The following CSDE1 variants were observed in gnomAD, a reference collection of about 807,000 sequenced individuals.
CSDE1 encodes the protein cold shock domain containing E1, also known as cold shock domain-containing protein E1.
A neutral mutation model predicts 89.3 loss-of-function variants in CSDE1; 17 were observed. The ratio of observed to expected loss-of-function variants is 0.19; its 90% CI spans 0.13 to 0.29. The LOEUF (loss-of-function observed/expected upper bound fraction) is 0.29. Among genes scored for constraint, CSDE1 ranks in the 10% least tolerant of loss-of-function variants. The pLI, the probability that CSDE1 is intolerant of heterozygous loss-of-function variation, is 1.00. For missense variants in CSDE1, 672 were observed against 984.2 expected (o/e 0.68, Z 4.24); for synonymous variants, 322 against 332.8 (o/e 0.97, Z 0.35).
intron 1 of CSDE1, among the ~76,000 whole-genome samples, chr1:114,753,472 G>A (rs558804290): frequency 2.0e-5 from 3 of 152,262 alleles, no homozygotes; most frequent in African/African-American, 4.8e-5. Context: ...GAACTTAAAG[G>A]TATTGGTCAG....
chr1:114,742,707 C>G (rs1660796713), intron 2 of CSDE1, among the ~76,000 whole-genome samples: 1 of 152,204 alleles, frequency 6.6e-6, no homozygotes, highest in African/African-American at 2.4e-5. Context: ...AGTACTAGTT[C>G]TTCAACCTCC....
intron 16 of CSDE1, among the ~76,000 whole-genome samples, chr1:114,721,252 G>A (rs555100729): frequency 6.6e-6 from 1 of 152,252 alleles, no homozygotes; most frequent in Admixed American, 6.5e-5. Flanking sequence ...TTTTCCTAAA[G>A]GGCCGGAGAG....
chr1:114,746,576 T>G (rs1661022187), intron 2 of CSDE1: 1 of 152,160 alleles, frequency 6.6e-6, no homozygotes, highest in Admixed American at 6.6e-5. Context: ...GTTGAGATGG[T>G]TAAATGAGTT....
Position 114,734,086 on chromosome 1 carries a change from A to G in CSDE1, c.614T>C (p.Val205Ala). The G allele has an allele frequency of 6.2e-7, 1 of 1,612,582 alleles. No individual in the cohort carries two copies. Among genetic ancestry groups the G allele is most frequent in the Non-Finnish European group, 8.5e-7 (1 of 1,179,884 alleles). ...EAFGFIERGDVVKEIFFHYSE... is the reference protein window; with the variant it reads ...EAFGFIERGDAVKEIFFHYSE... Reference sequence around the variant, plus strand: ...ATAGTGAAAGAATATCTCTTTTACAACATCACCTCTTTCAATAAAGCCAAA... The same window carrying G: ...ATAGTGAAAGAATATCTCTTTTACAGCATCACCTCTTTCAATAAAGCCAAA... The change falls in exon 8 of 20, where the codon GTT (valine) becomes GCT (alanine). Residue 205 changes from valine to alanine, a missense_variant. Physicochemically the swap from Val to Ala is moderately conservative, Grantham distance 64. This residue lies in a region of CSDE1 where 4 missense variants were observed against 28.2 expected (regional missense o/e 0.14). Transcript: ENST00000358528.
At chr1:114,729,984 G>A (rs1660014525) in intron 12 of CSDE1, among the ~76,000 whole-genome samples, 1 of 152,172 alleles carries the variant, frequency 6.6e-6, no homozygotes, top group African/African-American at 2.4e-5. Context: ...GTCACAATGG[G>A]AGGCAGGGAA....
At chr1:114,751,114 T>A (rs1661284594) in intron 1 of CSDE1, among the ~76,000 whole-genome samples, 1 of 152,222 alleles carries the variant, frequency 6.6e-6, no homozygotes, top group Non-Finnish European at 1.5e-5. Context: ...AAAGTGGTAT[T>A]AAGTCTTGAA....
intron 2 of CSDE1, among the ~76,000 whole-genome samples, chr1:114,749,377 C>T (rs1049360841): frequency 2.0e-5 from 3 of 152,090 alleles, no homozygotes; most frequent in South Asian, 2.1e-4. Context: ...CACTGTATAC[C>T]GTTCACAAAT....
At chr1:114,740,624 C>T (rs1219126863) in intron 2 of CSDE1, among the ~76,000 whole-genome samples, 1 of 152,196 alleles carries the variant, frequency 6.6e-6, no homozygotes. Context: ...GTAACTATCA[C>T]TTCGTTCCCA....
Position 114,727,100 on chromosome 1 carries a change from T to A in CSDE1, c.1357-10A>T, listed in dbSNP as rs773535336. On this transcript the variant is annotated splice_polypyrimidine_tract_variant and intron_variant, in intron 12 of 19. Coordinates refer to ENST00000358528, the MANE Select transcript of CSDE1 (RefSeq NM_001007553.3). ...TGCCATCCTCAGCCTCCTAAAGAGATACAGTCAAAAACAGAATGAAAACAA... is the reference window on the plus strand; with the variant it reads ...TGCCATCCTCAGCCTCCTAAAGAGAAACAGTCAAAAACAGAATGAAAACAA... 2 of 1,577,968 alleles carry A rather than the reference T, an allele frequency of 1.3e-6. No individual in the cohort carries two copies. Among genetic ancestry groups the A allele is most frequent in the South Asian group, 2.2e-5 (2 of 90,124 alleles).
intron 12 of CSDE1, among the ~76,000 whole-genome samples, chr1:114,728,191 T>C (rs1029995236): frequency 1.1e-4 from 17 of 152,202 alleles, no homozygotes; most frequent in Admixed American, 4.6e-4. Context: ...ATCTGAGGAA[T>C]TAAGTAAACC....
Position 114,739,719 on chromosome 1 carries a change from C to A in CSDE1, c.172G>T (p.Gly58Cys). 1 of 1,613,662 alleles carries A rather than the reference C, an allele frequency of 6.2e-7. No individual in the cohort carries two copies. Among genetic ancestry groups the A allele is most frequent in the South Asian group, 1.1e-5 (1 of 91,052 alleles). Residue 58 changes from glycine to cysteine, a missense_variant, in exon 3 of 20, where the codon GGC becomes TGC. Gly to Cys is a radical substitution (Grantham distance 159). Coordinates refer to ENST00000358528, the MANE Select transcript of CSDE1 (RefSeq NM_001007553.3). ...RLFFHCSQYN[G>C]NLQDLKVGDD... ...CCTACTTTTAAGTCTTGCAGGTTGC[C>A]ATTATACTGTGAACAGTGGAAGAAA...
intron 10 of CSDE1, 84 bp downstream of exon 10, chr1:114,732,520 A>T: frequency 7.5e-7 from 1 of 1,332,646 alleles, no homozygotes; most frequent in Non-Finnish European, 1.1e-6. Context: ...TAACTTAAGA[A>T]AAATTTTAAT....
rs187785411 is a variant in CSDE1, at chr1:114,730,667, T to C, written c.1051-19A>G. On this transcript the variant is annotated intron_variant, in intron 10 of 19. Coordinates refer to ENST00000358528, the MANE Select transcript of CSDE1 (RefSeq NM_001007553.3). ...TCACACCCTGAAACCCAAATAATAT[T>C]TTCACTGGCTGTGAAACTTGTCAAG... 2.5e-6 allele frequency: 4 copies of C among 1,610,518 alleles called. No individual in the cohort carries two copies. Among genetic ancestry groups the C allele is most frequent in the Non-Finnish European group, 2.5e-6 (3 of 1,178,150 alleles).
At chr1:114,722,102 G>A (rs963137464) in intron 16 of CSDE1, among the ~76,000 whole-genome samples, 1 of 151,884 alleles carries the variant, frequency 6.6e-6, no homozygotes, top group Non-Finnish European at 1.5e-5. Context: ...GGCTGGTCTC[G>A]AACTCCTGAC....
chr1:114,727,234 T>G (rs1359125182), intron 12 of CSDE1, 144 bp from the exon 13 acceptor site: 1 of 594,348 alleles, frequency 1.7e-6, no homozygotes, highest in East Asian at 2.9e-5. Flanking sequence ...TAAAAGATTA[T>G]TCATATGAAT....
intron 16 of CSDE1, 80 bp downstream of exon 16, chr1:114,723,803 A>G: frequency 3.8e-6 from 6 of 1,587,402 alleles, no homozygotes; most frequent in Non-Finnish European, 5.2e-6. Context: ...AACTGCAATA[A>G]GCACCATATT....
intron 1 of CSDE1, among the ~76,000 whole-genome samples, chr1:114,753,998 C>T (rs1055800338): frequency 3.9e-5 from 6 of 152,200 alleles, no homozygotes; most frequent in South Asian, 4.1e-4. Flanking sequence ...GAGAATCATA[C>T]TGTGTGCTAA....
intron 9 of CSDE1, among the ~76,000 whole-genome samples, chr1:114,733,045 G>C (rs866720708): frequency 6.6e-6 from 1 of 152,100 alleles, no homozygotes; most frequent in African/African-American, 2.4e-5. Context: ...GGTACCAAAA[G>C]ATTTTATTTA....
rs189361331 is a variant in CSDE1 at position 114,719,886 on chromosome 1, T to C, written c.2053-144A>G. The C allele has an allele frequency of 9.1e-5, 66 of 727,856 alleles. No individual in the cohort carries two copies. The East Asian group carries it at 1.7e-3, about 19-fold the overall frequency. 45.1% of individuals were successfully genotyped at this position (727,856 alleles called of 1,614,324 possible). A position where few individuals can be genotyped will look rare whatever the true frequency, so the allele number is the denominator to read the frequency against. ...GTCCAGCTGCCTGTGGCAAAACCTG[T>C]CAGGGAAGAAATGTATCTCTGAAAG... On this transcript the variant is annotated intron_variant, in intron 17 of 19. Coordinates refer to ENST00000358528, the MANE Select transcript of CSDE1 (RefSeq NM_001007553.3).
Sources: gnomAD v4.1 joint callset for allele counts (sites outside exome capture counted in the v4.1 genomes callset) on GRCh38, gnomAD v4.1.1 for gene constraint, gnomAD v4.1.1 regional missense constraint, MANE v1.5 for transcripts, NCBI Gene and HGNC (gene_info 2026-07-23, HGNC 2026-07-21) for gene names.